Variants in UTP20 observed in about 807,000 individuals in gnomAD.
The protein encoded by UTP20 is UTP20 small subunit processome component.
UTP20 carries 164 observed loss-of-function variants against 329.5 expected under a neutral mutation model. The ratio of observed to expected loss-of-function variants is 0.50; its 90% CI spans 0.44 to 0.57. The LOEUF (loss-of-function observed/expected upper bound fraction) is 0.57, where lower values mean the gene tolerates loss of function less well. Among genes scored for constraint, UTP20 ranks in the 20% least tolerant of loss-of-function variants. The probability of loss-of-function intolerance (pLI) is 0.00; values close to 1 mark genes in which losing one functional copy is unlikely to be tolerated. For synonymous variants in UTP20, 1,151 were observed against 1,159.3 expected (o/e 0.99, Z 0.14); for missense variants, 3,055 against 3,284.2 (o/e 0.93, Z 1.71).
At chr12:101,377,083 G>A (rs1252126690) in intron 56 of UTP20, among the ~76,000 whole-genome samples, 4 of 151,612 alleles carry the variant, frequency 2.6e-5, no homozygotes, top group African/African-American at 9.7e-5. Flanking sequence ...GCCCAGCCGG[G>A]ACCACATCTT....
chr12:101,337,474 C>G (rs1366190367), intron 29 of UTP20, among the ~76,000 whole-genome samples: 1 of 152,194 alleles, frequency 6.6e-6, no homozygotes, highest in Admixed American at 6.5e-5. Context: ...GCATTTGCAT[C>G]AGGAAGGATA....
At position 101,367,850 on chromosome 12, in the gene UTP20, ACT is replaced by A; in HGVS notation, c.6268-5_6268-4del. On this transcript the variant is annotated splice_polypyrimidine_tract_variant and splice_region_variant and intron_variant, in intron 47 of 61. Transcript: ENST00000261637. ...CAACTAATGTGAAATACCTGTTTGA[ACT>A]CTCTTAGCTGCTGCATCTGAGTCTG... 1.3e-6 allele frequency: 2 copies of A among 1,593,258 alleles called. No homozygotes were observed. The highest frequency in any genetic ancestry group is 1.7e-6 in the Non-Finnish European group (2 of 1,161,592).
Position 101,312,046 on chromosome 12 carries a change from A to G in UTP20, c.2322A>G (p.Leu774=), listed in dbSNP as rs1437050748. 3 of 1,614,260 alleles carry G rather than the reference A, an allele frequency of 1.9e-6. No individual in the cohort carries two copies. The highest frequency in any genetic ancestry group is 1.6e-4 in the Middle Eastern group (1 of 6,062). ...EKAATHAEKE[L]QNDMTDEKSV... The stretch of plus-strand genomic sequence containing the variant: ...CTTTCTTTCTTGCAGAGAAGGAACT[A>G]CAGAATGATATGACAGATGAGAAGT... Residue 774 remains leucine, a synonymous_variant, in exon 21 of 62, where the codon CTA becomes CTG. Coordinates refer to ENST00000261637, the MANE Select transcript of UTP20 (RefSeq NM_014503.3).
rs1370094219 is a variant in UTP20 at position 101,374,815 on chromosome 12, A to C, written c.7139A>C (p.Asn2380Thr). ...GTGGTTTATTTTTGGTAGCGCTTAA[A>C]TAGACAACTTGCTGCCCTGATCTGT... ...TTWFGAKKRL[N>T]RQLAALICGL... The change falls in exon 55 of 62, where the codon AAT becomes ACT. Residue 2380 changes from asparagine (N) to threonine (T), a missense_variant. Physicochemically the swap from Asn to Thr is moderately conservative, Grantham distance 65. Around this residue, in one of 3 missense-constraint regions of UTP20, gnomAD observed 273 missense variants for 363.1 expected, o/e 0.75. Transcript: ENST00000261637. The C allele has an allele frequency of 1.2e-5, 13 of 1,080,876 alleles. No homozygotes were observed. The highest frequency in any genetic ancestry group is 1.2e-4 in the East Asian group (5 of 42,590). The allele number at this position is 1,080,876 out of a possible 1,614,324, so 67.0% of individuals were successfully genotyped here.
intron 22 of UTP20, among the ~76,000 whole-genome samples, 181 bp downstream of exon 22, chr12:101,317,844 T>G (rs1873024971): frequency 6.6e-6 from 1 of 152,226 alleles, no homozygotes; most frequent in Non-Finnish European, 1.5e-5. Context: ...GGTTGATTAC[T>G]TATTAGTTTT....
chr12:101,359,825 G>A (rs1484965436), intron 43 of UTP20, among the ~76,000 whole-genome samples: 1 of 152,176 alleles, frequency 6.6e-6, no homozygotes. Flanking sequence ...TGGCAGCACA[G>A]AAAGAGAAAA....
chr12:101,378,128 T>G (rs1593456173), intron 56 of UTP20, among the ~76,000 whole-genome samples: 1 of 152,304 alleles, frequency 6.6e-6, no homozygotes, highest in East Asian at 1.9e-4. Context: ...ATTAAGAGTT[T>G]GAAGGTCAGA....
rs773619813 is a variant in UTP20, at chr12:101,385,593, G to A, written c.8067G>A (p.Leu2689=). The change falls in exon 61 of 62, where the codon CTG becomes CTA. Residue 2689 remains leucine, a synonymous_variant. Coordinates refer to ENST00000261637, the MANE Select transcript of UTP20 (RefSeq NM_014503.3). ...TTTGTGTGTGATTAGATCCTTTGCT[G>A]AAGAATCTATCCCAGGAAATCATAG... is the stretch of plus-strand genomic sequence containing the variant. The part of the protein sequence containing the change: ...NSTYSEQDPL[L]KNLSQEIIEL... 3 of 1,611,766 alleles carry A rather than the reference G, an allele frequency of 1.9e-6. No individual in the cohort carries two copies. In the South Asian group the frequency reaches 3.3e-5, roughly 18 times the overall value.
intron 14 of UTP20, among the ~76,000 whole-genome samples, chr12:101,302,066 G>A (rs1306842480): frequency 6.6e-6 from 1 of 152,134 alleles, no homozygotes; most frequent in Admixed American, 6.5e-5. Flanking sequence ...GAGTAGTTGG[G>A]ACTACAGGTG....
In UTP20 at chr12:101,338,290, A is replaced by G; in HGVS notation, c.3868+13A>G. The stretch of plus-strand genomic sequence containing the variant: ...GAAAACATCGGTGGTATGTATGCTG[A>G]CAAAGCAGATAATTCTTAGACTTCT... On this transcript the variant is annotated intron_variant, in intron 30 of 61. Coordinates refer to ENST00000261637, the MANE Select transcript of UTP20 (RefSeq NM_014503.3). The G allele has an allele frequency of 6.2e-7, 1 of 1,611,580 alleles. No individual in the cohort carries two copies.
rs748212074 is a variant in UTP20 at position 101,357,009 on chromosome 12, T to C, written c.5618T>C (p.Ile1873Thr). The change falls in exon 43 of 62, where the codon ATA (isoleucine) becomes ACA (threonine). Residue 1873 changes from isoleucine (I) to threonine (T), a missense_variant. Ile to Thr is a moderately conservative substitution (Grantham distance 89). Around this residue, in one of 3 missense-constraint regions of UTP20, gnomAD observed 2,445 missense variants for 2,575.5 expected, o/e 0.95. Transcript: ENST00000261637. ...GCACGCAGCACTCTTGCGAAAATAA[T>C]AGAGGATCTTGGTGTGCACTTCCTC... The part of the protein sequence containing the change: ...DIARSTLAKI[I>T]EDLGVHFLLY... The C allele has an allele frequency of 2.5e-6, 4 of 1,613,978 alleles. No homozygotes were observed. Among genetic ancestry groups the C allele is most frequent in the South Asian group, 1.1e-5 (1 of 91,074 alleles).
At chr12:101,319,413 CT>C (rs1873077220) in intron 22 of UTP20, 131 bp from the exon 23 acceptor site, 1 of 620,670 alleles carries the variant, frequency 1.6e-6, no homozygotes, top group Non-Finnish European at 2.6e-6. Flanking sequence ...ATAACTAAGC[CT>C]TGTTTATATA....
At chr12:101,355,782 ATATTTATT>A (rs1006724407) in intron 41 of UTP20, among the ~76,000 whole-genome samples, 3 of 152,216 alleles carry the variant, frequency 2.0e-5, no homozygotes, top group Admixed American at 6.5e-5. Flanking sequence ...ATATTTGTAA[ATATTTATT>A]TATATTTTGT....
intron 2 of UTP20, among the ~76,000 whole-genome samples, chr12:101,281,822 A>G (rs939955925): frequency 3.3e-5 from 5 of 152,168 alleles, no homozygotes; most frequent in Admixed American, 2.6e-4. Context: ...CTCCTGCCTC[A>G]GCCTCCCGAG....
chr12:101,330,122 T>G (rs959243139), intron 27 of UTP20, among the ~76,000 whole-genome samples: 3 of 152,044 alleles, frequency 2.0e-5, no homozygotes, highest in African/African-American at 7.2e-5. Context: ...TGTGCAAAAT[T>G]TAATGTAAGA....
At chr12:101,370,042 C>G in intron 49 of UTP20, 151 bp downstream of exon 49, 1 of 602,170 alleles carries the variant, frequency 1.7e-6, no homozygotes, top group Non-Finnish European at 2.7e-6. Flanking sequence ...AACGAGACCC[C>G]GTGTCTACAT....
intron 19 of UTP20, among the ~76,000 whole-genome samples, chr12:101,310,613 CAT>C (rs922304686): frequency 1.9e-4 from 24 of 127,888 alleles, no homozygotes; most frequent in African/African-American, 5.5e-4. Flanking sequence ...TGTTATGGCT[CAT>C]GTGTAGAAAT....
At chr12:101,372,992 G>A (rs537610044) in intron 52 of UTP20, 29 bp downstream of exon 52, 5 of 1,578,770 alleles carry the variant, frequency 3.2e-6, no homozygotes, top group East Asian at 4.5e-5. Context: ...CTACACAGGG[G>A]CGGAGGGTAG....
At chr12:101,311,656 C>A (rs879201922) in intron 19 of UTP20, 63 bp from the exon 20 acceptor site, 1 of 1,201,054 alleles carries the variant, frequency 8.3e-7, no homozygotes, top group Non-Finnish European at 1.1e-6. Context: ...TTTTTTTTTT[C>A]TATGAGCAAT....
Sources: gnomAD v4.1 joint callset for allele counts (sites outside exome capture counted in the v4.1 genomes callset) on GRCh38, gnomAD v4.1.1 for gene constraint, gnomAD v4.1.1 regional missense constraint, MANE v1.5 for transcripts, NCBI Gene and HGNC (gene_info 2026-07-23, HGNC 2026-07-21) for gene names.